The following CNTNAP5 variants were observed in gnomAD, a reference collection of about 807,000 sequenced individuals.
The protein encoded by CNTNAP5 is contactin-associated protein-like 5.
A neutral mutation model predicts 150.2 loss-of-function variants in CNTNAP5; 72 were observed. That is an observed-to-expected ratio of 0.48 (90% CI 0.40 to 0.58). The LOEUF is 0.58. Among genes scored for constraint, CNTNAP5 ranks in the 20% least tolerant of loss-of-function variants. The pLI is 0.00. For synonymous variants in CNTNAP5, 672 were observed against 619.8 expected, an observed-to-expected ratio of 1.08 and a Z score of -1.25; for missense variants, 1,636 against 1,626.2, an observed-to-expected ratio of 1.01 and a Z score of -0.10.
chr2:124,027,307 T>C (rs777948288), intron 1 of CNTNAP5, among the ~76,000 whole-genome samples: 13 of 152,240 alleles, frequency 8.5e-5, no homozygotes, highest in South Asian at 2.1e-4. Context: ...CTCCACCTTC[T>C]AGAACACTAG....
intron 16 of CNTNAP5, among the ~76,000 whole-genome samples, chr2:124,767,889 G>T (rs1411042262): frequency 1.3e-5 from 2 of 152,202 alleles, no homozygotes; most frequent in African/African-American, 4.8e-5. Flanking sequence ...CTCCATCATG[G>T]TGGAGCTGCA....
At chr2:124,408,290 C>T (rs368222488) in intron 3 of CNTNAP5, among the ~76,000 whole-genome samples, 2 of 151,612 alleles carry the variant, frequency 1.3e-5, no homozygotes, top group Non-Finnish European at 3.0e-5. Flanking sequence ...ACTGCAAGGC[C>T]GCAGCGAGGC....
chr2:124,695,033 AT>A (rs1482749082), intron 13 of CNTNAP5, among the ~76,000 whole-genome samples: 1 of 151,644 alleles, frequency 6.6e-6, no homozygotes. Context: ...TTACAATGTA[AT>A]GGAAGCAACA....
intron 3 of CNTNAP5, among the ~76,000 whole-genome samples, chr2:124,258,414 T>A (rs1220189270): frequency 6.6e-6 from 1 of 152,162 alleles, no homozygotes; most frequent in Non-Finnish European, 1.5e-5. Flanking sequence ...TTTGGAAGAT[T>A]GTGAATATGT....
At chr2:124,460,916 G>T (rs1018850404) in intron 6 of CNTNAP5, among the ~76,000 whole-genome samples, 1 of 152,044 alleles carries the variant, frequency 6.6e-6, no homozygotes, top group African/African-American at 2.4e-5. Flanking sequence ...GGCCTCCATC[G>T]AGGAAAATAA....
At position 124,903,023 on chromosome 2, in the gene CNTNAP5, G is replaced by C. The variant is rs1481312904; in HGVS notation, c.3578G>C (p.Gly1193Ala). The C allele has an allele frequency of 1.2e-6, 2 of 1,609,422 alleles. 1 individual carries two copies. Among genetic ancestry groups the C allele is most frequent in the Middle Eastern group, 3.3e-4 (2 of 6,046 alleles). Residue 1193 changes from glycine (G) to alanine (A), a missense_variant, in exon 22 of 24, where the codon GGG becomes GCG. Transcript: ENST00000682447. ...HATVAPVTVH[G>A]TLTESSCGFM... ...ACTGTCGCGCCTGTGACTGTCCATG[G>C]GACCTTGACGGAATCCAGCTGTGGC...
At chr2:124,863,112 G>T (rs539016086) in intron 19 of CNTNAP5, among the ~76,000 whole-genome samples, 9 of 152,332 alleles carry the variant, frequency 5.9e-5, no homozygotes, top group African/African-American at 2.2e-4. Flanking sequence ...TAAAGAATAT[G>T]TGTGTGAATA....
At chr2:124,439,713 A>G (rs926668189) in intron 5 of CNTNAP5, among the ~76,000 whole-genome samples, 6 of 152,150 alleles carry the variant, frequency 3.9e-5, no homozygotes, top group African/African-American at 1.4e-4. Context: ...TCTCACTTGG[A>G]TACTTAGGAG....
intron 1 of CNTNAP5, 83 bp from the exon 2 acceptor site, chr2:124,221,622 T>C: frequency 6.6e-6 from 6 of 909,650 alleles, no homozygotes; most frequent in South Asian, 6.0e-5. Context: ...ATGATGGTAG[T>C]TAATTTCTCA....
intron 11 of CNTNAP5, among the ~76,000 whole-genome samples, chr2:124,576,644 G>A (rs2104944516): frequency 6.6e-6 from 1 of 152,210 alleles, no homozygotes; most frequent in Non-Finnish European, 1.5e-5. Flanking sequence ...AATGCAGTAT[G>A]AAAAAGGAAT....
rs761657133 is a variant in CNTNAP5 at position 124,090,644 on chromosome 2, G to C, written c.82+64912G>C. Among the ~76,000 whole-genome samples, 43 of 152,134 alleles carry C rather than the reference G, an allele frequency of 2.8e-4. 1 individual carries two copies. The highest frequency in any genetic ancestry group is 4.4e-5 in the Non-Finnish European group (3 of 68,030). ...GACAATGGGATTGGAGCACTGGCTT[G>C]CATTAGACATATTACATAATCACAA... On this transcript the variant is annotated intron_variant, in intron 1 of 23. Transcript: ENST00000682447.
chr2:124,050,334 C>T (rs960331227), intron 1 of CNTNAP5, among the ~76,000 whole-genome samples: 3 of 151,742 alleles, frequency 2.0e-5, no homozygotes, highest in East Asian at 1.9e-4. Flanking sequence ...TGTGGTGGTA[C>T]GTGCCTGTAG....
At chr2:124,524,094 G>T (rs115614504) in intron 8 of CNTNAP5, among the ~76,000 whole-genome samples, 1 of 151,894 alleles carries the variant, frequency 6.6e-6, no homozygotes. Flanking sequence ...TAGTTCAGCC[G>T]TCTTTTTTAA....
At chr2:124,543,110 C>T (rs920164809) in intron 10 of CNTNAP5, among the ~76,000 whole-genome samples, 12 of 152,248 alleles carry the variant, frequency 7.9e-5, no homozygotes, top group Non-Finnish European at 8.8e-5. Context: ...ATAAAAGCAA[C>T]GCCAGAGCCA....
chr2:124,536,703 G>A (rs567926414), intron 10 of CNTNAP5, among the ~76,000 whole-genome samples: 1 of 152,240 alleles, frequency 6.6e-6, no homozygotes, highest in Non-Finnish European at 1.5e-5. Flanking sequence ...AGCCAGAGCG[G>A]GCCAGGGAGG....
At chr2:124,703,210 C>CTT (rs1679560525) in intron 13 of CNTNAP5, among the ~76,000 whole-genome samples, 2 of 134,946 alleles carry the variant, frequency 1.5e-5, no homozygotes, top group African/African-American at 5.3e-5. Flanking sequence ...TTCCTTCTCC[C>CTT]TCTCTTTCTT....
chr2:124,563,178 T>C, intron 10 of CNTNAP5, 39 bp from the exon 11 acceptor site: 1 of 1,338,162 alleles, frequency 7.5e-7, no homozygotes, highest in Non-Finnish European at 1.0e-6. Context: ...GCCAAATGAT[T>C]TGGTTTATTT....
At chr2:124,072,254 C>T (rs149794264) in intron 1 of CNTNAP5, among the ~76,000 whole-genome samples, 20 of 151,130 alleles carry the variant, frequency 1.3e-4, no homozygotes, top group African/African-American at 4.6e-4. Context: ...ATGACAGACC[C>T]ACAGCTGGTA....
chr2:124,167,253 G>GT (rs1684828940), intron 1 of CNTNAP5, among the ~76,000 whole-genome samples: 1 of 152,106 alleles, frequency 6.6e-6, no homozygotes, highest in South Asian at 2.1e-4. Context: ...ATTAAAACAT[G>GT]TTGCTTCTGC....
Sources: allele counts gnomAD v4.1 joint callset (sites outside exome capture counted in the v4.1 genomes callset), GRCh38; gene constraint gnomAD v4.1.1; transcripts MANE v1.5; gene names NCBI Gene and HGNC (gene_info 2026-07-23, HGNC 2026-07-21).